The following IPO9 variants were observed in gnomAD, a reference collection of about 807,000 sequenced individuals.
IPO9 encodes importin 9, also known as importin-9.
In IPO9, 28 loss-of-function variants were observed where a neutral mutation model predicts 128.6. That is an observed-to-expected ratio of 0.22 (90% CI 0.16 to 0.30). The LOEUF is 0.30. Among genes scored for constraint, IPO9 ranks in the 10% least tolerant of loss-of-function variants. The pLI is 1.00. For missense variants in IPO9, 935 were observed against 1,293.9 expected (o/e 0.72, Z 4.26); for synonymous variants, 455 against 475.8 (o/e 0.96, Z 0.57).
At chr1:201,874,430 G>T in intron 21 of IPO9, 58 bp downstream of exon 21, 3 of 1,556,524 alleles carry the variant, frequency 1.9e-6, no homozygotes, top group Non-Finnish European at 2.6e-6. Context: ...GTTACAAATT[G>T]TCAAATTATC....
In IPO9 at chr1:201,882,900, T is replaced by C. The variant is rs1390836094; in HGVS notation, c.*6846T>C. ...GATGTCCCATCCTATCCCCCACCCA[T>C]AGCTGGGAGCTATGTTTGGCTCATT... On this transcript the variant is annotated 3_prime_UTR_variant, in exon 24 of 24. Coordinates refer to ENST00000361565, the MANE Select transcript of IPO9 (RefSeq NM_018085.5). 3 of 152,624 alleles carry C rather than the reference T, an allele frequency of 2.0e-5. No homozygotes were observed. Among genetic ancestry groups the C allele is most frequent in the Non-Finnish European group, 4.4e-5 (3 of 68,040 alleles). The allele number at this position is 152,624 out of a possible 1,614,324, so 9.5% of individuals were successfully genotyped here. A position where few individuals can be genotyped will look rare whatever the true frequency, so the allele number is the denominator to read the frequency against.
intron 1 of IPO9, among the ~76,000 whole-genome samples, chr1:201,846,568 T>G (rs527404199): frequency 1.1e-4 from 17 of 152,050 alleles, no homozygotes; most frequent in Non-Finnish European, 2.1e-4. Context: ...GAGACGGGGT[T>G]TTCACCATCT....
chr1:201,857,482 AG>A (rs776634817), intron 11 of IPO9, among the ~76,000 whole-genome samples: 5 of 152,142 alleles, frequency 3.3e-5, no homozygotes, highest in Non-Finnish European at 7.4e-5. Flanking sequence ...CCATGGAGTA[AG>A]GGTAGTTGAA....
chr1:201,847,166 G>A, intron 1 of IPO9, 113 bp from the exon 2 acceptor site: 1 of 784,862 alleles, frequency 1.3e-6, no homozygotes, highest in Admixed American at 2.4e-5. Flanking sequence ...AGCTCTTTTT[G>A]AAACAACAGA....
intron 6 of IPO9, among the ~76,000 whole-genome samples, chr1:201,854,017 T>C (rs1253281356): frequency 6.6e-6 from 1 of 152,182 alleles, no homozygotes; most frequent in East Asian, 1.9e-4. Flanking sequence ...ATTACAGGCA[T>C]GAGCCACCAT....
Position 201,870,564 on chromosome 1 carries a change from G to T in IPO9, c.2134-19G>T. On this transcript the variant is annotated intron_variant, in intron 17 of 23. Transcript: ENST00000361565. The surrounding 1 kb of genome is among the most constrained non-coding windows in gnomAD (Gnocchi z 4.9). ...TGTCCCTCGATTACTAATCTTGCTT[G>T]CCACCCCTGTCTCCCCAGAATGGCG... is the stretch of plus-strand genomic sequence containing the variant. 1 of 1,603,738 alleles carries T rather than the reference G, an allele frequency of 6.2e-7. No individual in the cohort carries two copies. The highest frequency in any genetic ancestry group is 2.2e-5 in the East Asian group (1 of 44,636).
chr1:201,849,659 C>G (rs1680183144), intron 4 of IPO9, among the ~76,000 whole-genome samples: 2 of 152,214 alleles, frequency 1.3e-5, no homozygotes, highest in South Asian at 4.1e-4. Flanking sequence ...ATAATATCAA[C>G]TCTTTGTCAA....
In IPO9 at chr1:201,852,169, T is replaced by C; in HGVS notation, c.580T>C (p.Tyr194His). The stretch of plus-strand genomic sequence containing the variant: ...TGCTCCTGTCATTCTCCCAGAGATG[T>C]ATAAGATCTTCACCATGGCTGAGGT... ...LVAPVILPEM[Y>H]KIFTMAEVYG... Residue 194 changes from tyrosine to histidine, a missense_variant, in exon 5 of 24, where the codon TAT (tyrosine) becomes CAT (histidine). Tyr to His is a moderately conservative substitution (Grantham distance 83). Coordinates refer to ENST00000361565, the MANE Select transcript of IPO9 (RefSeq NM_018085.5). The C allele has an allele frequency of 6.2e-7, 1 of 1,611,408 alleles. No homozygotes were observed. Among genetic ancestry groups the C allele is most frequent in the Non-Finnish European group, 8.5e-7 (1 of 1,177,586 alleles).
At chr1:201,845,736 A>T (rs1442929022) in intron 1 of IPO9, among the ~76,000 whole-genome samples, 1 of 152,202 alleles carries the variant, frequency 6.6e-6, no homozygotes, top group African/African-American at 2.4e-5. Flanking sequence ...TTTGAAATCT[A>T]GTGAGTATTA....
chr1:201,842,259 A>G (rs1047006004), intron 1 of IPO9, among the ~76,000 whole-genome samples: 15 of 152,180 alleles, frequency 9.9e-5, no homozygotes, highest in Admixed American at 7.2e-4. Flanking sequence ...TCTACAAAGG[A>G]TATTCGAAAC....
At chr1:201,862,284 C>T (rs1041623078) in intron 13 of IPO9, among the ~76,000 whole-genome samples, 2 of 151,940 alleles carry the variant, frequency 1.3e-5, no homozygotes, top group African/African-American at 2.4e-5. Flanking sequence ...ATGGTGAAAC[C>T]CCCTCTCTAC....
chr1:201,853,659 T>C (rs1680266561), intron 6 of IPO9, among the ~76,000 whole-genome samples: 1 of 152,188 alleles, frequency 6.6e-6, no homozygotes, highest in Non-Finnish European at 1.5e-5. Context: ...CAAGCAATCC[T>C]CTCACCTCAG....
In IPO9 at chr1:201,866,979, G is replaced by A. The variant is rs773012480; in HGVS notation, c.1855+20G>A. ...GTAATGGTATGCTGCCAGGGAGGAT[G>A]TATTATGAGGGGCACCAAAGAAAAG... is the stretch of plus-strand genomic sequence containing the variant. On this transcript the variant is annotated intron_variant, in intron 15 of 23. Coordinates refer to ENST00000361565, the MANE Select transcript of IPO9 (RefSeq NM_018085.5). 6.3e-7 allele frequency: 1 copy of A among 1,576,180 alleles called. No homozygotes were observed. The highest frequency in any genetic ancestry group is 1.3e-5 in the African/African-American group (1 of 74,110).
intron 1 of IPO9, among the ~76,000 whole-genome samples, chr1:201,838,966 C>G (rs1451601066): frequency 6.7e-6 from 1 of 150,346 alleles, no homozygotes; most frequent in Non-Finnish European, 1.5e-5. Context: ...GTCACCCAGG[C>G]TGGAGTGCAG....
chr1:201,866,101 C>G (rs1680550509), intron 14 of IPO9, among the ~76,000 whole-genome samples: 1 of 152,172 alleles, frequency 6.6e-6, no homozygotes, highest in Non-Finnish European at 1.5e-5. Context: ...TCTCTTTACC[C>G]TGAAGTCTCC....
chr1:201,839,916 A>G (rs1188874924), intron 1 of IPO9, among the ~76,000 whole-genome samples: 5 of 152,226 alleles, frequency 3.3e-5, no homozygotes, highest in African/African-American at 7.2e-5. Context: ...AATGTATACT[A>G]CAGACAAAAG....
chr1:201,836,700 T>C (rs900888218), intron 1 of IPO9, among the ~76,000 whole-genome samples: 5 of 152,236 alleles, frequency 3.3e-5, no homozygotes, highest in African/African-American at 1.2e-4. Context: ...AGTAGGTATG[T>C]GGTCTAGACA....
At chr1:201,872,118 C>T (rs1043824266) in intron 19 of IPO9, among the ~76,000 whole-genome samples, 1 of 152,094 alleles carries the variant, frequency 6.6e-6, no homozygotes, top group Non-Finnish European at 1.5e-5. Flanking sequence ...GCCTGTAATC[C>T]CAGCTACTCG....
Position 201,863,581 on chromosome 1 carries a change from A to C in IPO9, c.1602A>C (p.Arg534=). 1 of 1,594,544 alleles carries C rather than the reference A, an allele frequency of 6.3e-7. No individual in the cohort carries two copies. Among genetic ancestry groups the C allele is most frequent in the Non-Finnish European group, 8.6e-7 (1 of 1,164,262 alleles). ...ACGAGACACAGCCCCCATCAGTTCG[A>C]ATTTCTGCAGTGAGAGCCATCTGGG... ...GLHETQPPSV[R]ISAVRAIWGY... Residue 534 remains arginine, a synonymous_variant, in exon 14 of 24, where the codon CGA becomes CGC. Coordinates refer to ENST00000361565, the MANE Select transcript of IPO9 (RefSeq NM_018085.5).
Sources: allele counts gnomAD v4.1 joint callset (sites outside exome capture counted in the v4.1 genomes callset), GRCh38; gene constraint gnomAD v4.1.1; non-coding constraint Gnocchi (gnomAD v3.1); transcripts MANE v1.5; gene names NCBI Gene and HGNC (gene_info 2026-07-23, HGNC 2026-07-21).